Variants in FBXL7 observed in about 807,000 individuals in gnomAD.
FBXL7 encodes the protein F-box/LRR-repeat protein 7.
A neutral mutation model predicts 38.3 loss-of-function variants in FBXL7; 12 were observed. The ratio of observed to expected loss-of-function variants is 0.31; its 90% confidence interval spans 0.20 to 0.51. The LOEUF is 0.51. FBXL7 is among the 20% of genes least tolerant of loss of function. FBXL7 has a pLI of 0.98. For synonymous variants in FBXL7, 297 were observed against 300.9 expected (o/e 0.99, Z 0.13); for missense variants, 567 against 676.4 (o/e 0.84, Z 1.79).
intron 2 of FBXL7, among the ~76,000 whole-genome samples, chr5:15,866,861 A>G (rs1011287339): frequency 1.2e-4 from 19 of 152,080 alleles, no homozygotes; most frequent in Admixed American, 6.6e-5. Context: ...TTATGGCTGT[A>G]TAGTCTTCCA....
intron 2 of FBXL7, among the ~76,000 whole-genome samples, chr5:15,871,682 C>A (rs1739971495): frequency 6.6e-6 from 1 of 151,838 alleles, no homozygotes; most frequent in Non-Finnish European, 1.5e-5. Context: ...CTGAATTGAT[C>A]AAGTGGAAGA....
At chr5:15,905,292 G>A (rs1211862955) in intron 2 of FBXL7, among the ~76,000 whole-genome samples, 1 of 152,156 alleles carries the variant, frequency 6.6e-6, no homozygotes, top group Non-Finnish European at 1.5e-5. Flanking sequence ...TAAAATTAAG[G>A]TGTTGTTTTC....
At chr5:15,510,671 T>G (rs1274564098) in intron 1 of FBXL7, among the ~76,000 whole-genome samples, 1 of 152,224 alleles carries the variant, frequency 6.6e-6, no homozygotes, top group Non-Finnish European at 1.5e-5. Context: ...ATGTTCTACT[T>G]AACTCTCTTT....
chr5:15,903,225 CTT>C, intron 2 of FBXL7, among the ~76,000 whole-genome samples: 1 of 152,294 alleles, frequency 6.6e-6, no homozygotes, highest in African/African-American at 2.4e-5. Context: ...ACTCTCAACT[CTT>C]TCACTGAAGG....
chr5:15,906,218 A>G (rs1441703968), intron 2 of FBXL7, among the ~76,000 whole-genome samples: 1 of 152,054 alleles, frequency 6.6e-6, no homozygotes, highest in Non-Finnish European at 1.5e-5. Flanking sequence ...AGCTTTACAC[A>G]TTGGTCAATG....
At chr5:15,675,566 A>G (rs1474480069) in intron 2 of FBXL7, among the ~76,000 whole-genome samples, 1 of 152,252 alleles carries the variant, frequency 6.6e-6, no homozygotes, top group Non-Finnish European at 1.5e-5. Flanking sequence ...TGGATTGGGA[A>G]GAAATGCGCA....
intron 1 of FBXL7, among the ~76,000 whole-genome samples, chr5:15,590,543 C>A (rs1739440668): frequency 6.6e-6 from 1 of 152,038 alleles, no homozygotes; most frequent in Admixed American, 6.6e-5. Context: ...CTTCTCTAGC[C>A]CTAGTAAATA....
intron 1 of FBXL7, among the ~76,000 whole-genome samples, chr5:15,554,208 G>T (rs570897368): frequency 3.3e-5 from 5 of 152,086 alleles, no homozygotes; most frequent in African/African-American, 9.7e-5. Flanking sequence ...TGGGTGAGCC[G>T]CCATCCCTGA....
intron 1 of FBXL7, among the ~76,000 whole-genome samples, chr5:15,560,825 G>C (rs1466909790): frequency 6.6e-6 from 1 of 152,008 alleles, no homozygotes. Context: ...TTCCAGTTTT[G>C]CTACTTACAT....
intron 2 of FBXL7, among the ~76,000 whole-genome samples, chr5:15,749,645 G>A (rs1342954211): frequency 6.6e-6 from 1 of 152,152 alleles, no homozygotes; most frequent in African/African-American, 2.4e-5. Context: ...AAGAAAGTGT[G>A]TATCCTCAGT....
intron 2 of FBXL7, among the ~76,000 whole-genome samples, chr5:15,707,174 G>GTTTTTTTTTTT (rs71603796): frequency 1.8e-4 from 13 of 70,392 alleles, no homozygotes; most frequent in East Asian, 4.9e-4. Flanking sequence ...TTTTCTTTTC[G>GTTTTTTTTTTT]TTTTTTTTTT....
At chr5:15,555,317 G>T (rs184468575) in intron 1 of FBXL7, among the ~76,000 whole-genome samples, 1 of 152,268 alleles carries the variant, frequency 6.6e-6, no homozygotes, top group East Asian at 1.9e-4. Flanking sequence ...GGCCTGTGTT[G>T]TAGGCCTGGC....
At chr5:15,628,147 T>G (rs77990842) in intron 2 of FBXL7, among the ~76,000 whole-genome samples, 1 of 152,106 alleles carries the variant, frequency 6.6e-6, no homozygotes, top group Non-Finnish European at 1.5e-5. Context: ...AAAGAAACTT[T>G]CTGTTGTTTA....
intron 1 of FBXL7, among the ~76,000 whole-genome samples, chr5:15,502,118 C>T (rs1446191433): frequency 1.3e-5 from 2 of 152,078 alleles, no homozygotes; most frequent in East Asian, 1.9e-4. Context: ...TATTAAAAAG[C>T]TTTCAGGATA....
Position 15,693,999 on chromosome 5 carries a change from G to C in FBXL7, c.127+77927G>C, listed in dbSNP as rs113124505. On this transcript the variant is annotated intron_variant, in intron 2 of 3. Transcript: ENST00000504595. Reference sequence around the variant, plus strand: ...CCCTCTGTCGTTACAATAAGGCAGAGAGCCTAATTGAACTGATTAACACAA... The same window carrying C: ...CCCTCTGTCGTTACAATAAGGCAGACAGCCTAATTGAACTGATTAACACAA... Among the ~76,000 whole-genome samples, 326 of 151,006 alleles carry C rather than the reference G, an allele frequency of 2.2e-3. 6 individuals are homozygous for C. The highest frequency in any genetic ancestry group is 7.6e-3 in the African/African-American group (313 of 41,134).
intron 3 of FBXL7, among the ~76,000 whole-genome samples, chr5:15,933,412 G>T (rs1742091696): frequency 6.6e-6 from 1 of 152,132 alleles, no homozygotes; most frequent in African/African-American, 2.4e-5. Context: ...TAAGAGCAAA[G>T]GTTATCATAT....
chr5:15,925,876 A>G (rs1741865752), intron 2 of FBXL7, among the ~76,000 whole-genome samples: 1 of 152,236 alleles, frequency 6.6e-6, no homozygotes, highest in South Asian at 2.1e-4. Flanking sequence ...CATTCAGTAG[A>G]AAGTGTACTT....
At chr5:15,723,295 A>G (rs1294020256) in intron 2 of FBXL7, among the ~76,000 whole-genome samples, 1 of 152,224 alleles carries the variant, frequency 6.6e-6, no homozygotes, top group Non-Finnish European at 1.5e-5. Flanking sequence ...ACTTTGTTCA[A>G]TGAGATAATA....
chr5:15,700,183 C>T (rs77607247), intron 2 of FBXL7, among the ~76,000 whole-genome samples: 5,698 of 152,240 alleles, frequency 0.037, 114 homozygotes, highest in African/African-American at 0.044. Context: ...TTAATAGAGA[C>T]AAAGGCTCTT....
Sources: allele counts gnomAD v4.1 joint callset (sites outside exome capture counted in the v4.1 genomes callset), GRCh38; gene constraint gnomAD v4.1.1; transcripts MANE v1.5; gene names NCBI Gene and HGNC (gene_info 2026-07-23, HGNC 2026-07-21).